ILDR1: variants seen among roughly 807,000 people sequenced by gnomAD.
The protein encoded by ILDR1 is immunoglobulin-like domain-containing receptor 1.
ILDR1 carries 56 observed loss-of-function variants against 62.4 expected under a neutral mutation model. The observed-to-expected ratio is 0.90, with a 90% CI of 0.72 to 1.12. ILDR1 has a LOEUF of 1.12. Ranked by LOEUF, ILDR1 falls within the 50% of genes most tolerant of loss-of-function variation. The probability of loss-of-function intolerance (pLI) is 0.00; values close to 1 mark genes in which losing one functional copy is unlikely to be tolerated. For synonymous variants in ILDR1, 284 were observed against 277.8 expected (o/e 1.02, Z -0.22); for missense variants, 736 against 710.6 (o/e 1.04, Z -0.41).
At position 122,007,599 on chromosome 3, in the gene ILDR1, C is replaced by T. The variant is rs2071634850; in HGVS notation, c.59-438G>A. ...CGAAACCCGTTAGGTCAGCCTACTG[C>T]CCTTCTCGTCTGCCCCGTGTCCCTT... On this transcript the variant is annotated intron_variant, in intron 1 of 7. Transcript: ENST00000344209. Among the ~76,000 whole-genome samples, 4 of 152,196 alleles carry T rather than the reference C, an allele frequency of 2.6e-5. No homozygotes were observed. The South Asian group carries it at 8.3e-4, about 31-fold the overall frequency.
At chr3:121,996,127 CTG>C (rs1302562749) in intron 5 of ILDR1, among the ~76,000 whole-genome samples, 1 of 152,224 alleles carries the variant, frequency 6.6e-6, no homozygotes, top group African/African-American at 2.4e-5. Context: ...ACCCTACCCA[CTG>C]TACCCCTTTA....
the ILDR1 span, among the ~76,000 whole-genome samples, chr3:122,057,299 G>C: frequency 6.6e-6 from 1 of 152,096 alleles, no homozygotes; most frequent in African/African-American, 2.4e-5. Context: ...TTTAGTGATG[G>C]ATATTTTTCT....
the ILDR1 span, among the ~76,000 whole-genome samples, chr3:122,038,670 C>A: frequency 6.6e-6 from 1 of 151,886 alleles, no homozygotes; most frequent in Non-Finnish European, 1.5e-5. Context: ...ACAGATATAA[C>A]AAAGATGTTG....
At chr3:122,041,825 C>G in the ILDR1 span, among the ~76,000 whole-genome samples, 1 of 150,330 alleles carries the variant, frequency 6.7e-6, no homozygotes, top group Middle Eastern at 3.5e-3. Flanking sequence ...ATCTTTAGAG[C>G]TTTCTATATA....
chr3:122,001,185 T>C, intron 5 of ILDR1, 123 bp downstream of exon 5: 1 of 1,139,686 alleles, frequency 8.8e-7, no homozygotes, highest in East Asian at 2.5e-5. Context: ...CCTCTGTCCC[T>C]ATGATGGGAG....
the ILDR1 span, among the ~76,000 whole-genome samples, chr3:122,050,628 T>A: frequency 1.7e-5 from 1 of 60,276 alleles, no homozygotes; most frequent in Non-Finnish European, 3.6e-5. Flanking sequence ...TTATAATTAC[T>A]TCTATGCTTT....
At chr3:121,996,475 G>A (rs2071437609) in intron 5 of ILDR1, among the ~76,000 whole-genome samples, 1 of 152,156 alleles carries the variant, frequency 6.6e-6, no homozygotes, top group Non-Finnish European at 1.5e-5. Context: ...TCTCTTGCGT[G>A]CCTTCCCCTG....
At chr3:122,005,886 C>T (rs1365506655) in intron 2 of ILDR1, among the ~76,000 whole-genome samples, 12 of 151,284 alleles carry the variant, frequency 7.9e-5, no homozygotes, top group Admixed American at 3.3e-4. Context: ...GCAACAAGAG[C>T]GAAACTCCAT....
At chr3:122,008,687 G>A (rs1368501257) in intron 1 of ILDR1, among the ~76,000 whole-genome samples, 2 of 148,914 alleles carry the variant, frequency 1.3e-5, no homozygotes, top group Non-Finnish European at 3.0e-5. Context: ...TCCACCTCTC[G>A]GGTTCATGGG....
the ILDR1 span, among the ~76,000 whole-genome samples, chr3:122,049,145 C>G: frequency 6.6e-6 from 1 of 152,046 alleles, no homozygotes; most frequent in Non-Finnish European, 1.5e-5. Context: ...CCCATTTGTT[C>G]AAGAGTATGT....
In ILDR1 at chr3:122,022,135, C is replaced by A; in HGVS notation, c.-58G>T. 6.9e-7 allele frequency: 1 copy of A among 1,445,234 alleles called. No homozygotes were observed. Among genetic ancestry groups the A allele is most frequent in the South Asian group, 1.2e-5 (1 of 82,234 alleles). The allele number at this position is 1,445,234 out of a possible 1,614,324, so 89.5% of individuals were successfully genotyped here. ...GGCTTCGGGGCACTGCGTCTTTCTT[C>A]CTCAGCTGCCGCCCCAGGACGCACC... On this transcript the variant is annotated 5_prime_UTR_variant, in exon 1 of 8. Coordinates refer to ENST00000344209, the MANE Select transcript of ILDR1 (RefSeq NM_001199799.2).
chr3:122,008,597 T>C (rs928186258), intron 1 of ILDR1, among the ~76,000 whole-genome samples: 3 of 27,982 alleles, frequency 1.1e-4, no homozygotes, highest in South Asian at 4.7e-3. Flanking sequence ...TCTTTTCTTT[T>C]TTTTTTTTTT....
At chr3:122,007,364 T>C in intron 1 of ILDR1, 1 of 1,125,980 alleles carries the variant, frequency 8.9e-7, no homozygotes, top group Non-Finnish European at 1.3e-6. Flanking sequence ...CAGAGGGACA[T>C]AGGAAGAAAG....
chr3:122,043,383 T>C, the ILDR1 span, among the ~76,000 whole-genome samples: 4 of 141,006 alleles, frequency 2.8e-5, no homozygotes, highest in East Asian at 6.3e-4. Flanking sequence ...GGCTTAGGAT[T>C]GACTTGGCGA....
chr3:122,040,602 G>C, the ILDR1 span, among the ~76,000 whole-genome samples: 1 of 151,492 alleles, frequency 6.6e-6, no homozygotes, highest in Admixed American at 6.6e-5. Context: ...GATCAATAGA[G>C]AGCCCAGAAA....
At chr3:122,036,241 C>A in the ILDR1 span, among the ~76,000 whole-genome samples, 28 of 152,116 alleles carry the variant, frequency 1.8e-4, no homozygotes, top group Admixed American at 1.5e-3. Context: ...TTTCTAAAAA[C>A]GTACATTCAT....
the ILDR1 span, among the ~76,000 whole-genome samples, chr3:122,054,734 G>T: frequency 6.6e-6 from 1 of 152,190 alleles, no homozygotes; most frequent in South Asian, 2.1e-4. Context: ...ATATCTTCTA[G>T]TATAGTTTCT....
intron 5 of ILDR1, among the ~76,000 whole-genome samples, chr3:121,998,363 C>T (rs1029455765): frequency 1.3e-5 from 2 of 152,196 alleles, no homozygotes; most frequent in African/African-American, 4.8e-5. Context: ...CTCCTCTAAC[C>T]AAAGAGCTTT....
intron 1 of ILDR1, among the ~76,000 whole-genome samples, chr3:122,019,617 G>A (rs2071828985): frequency 6.6e-6 from 1 of 152,160 alleles, no homozygotes; most frequent in African/African-American, 2.4e-5. Flanking sequence ...ACCTACTTCT[G>A]ACAAGTGATC....
Sources: gnomAD v4.1 joint callset for allele counts (sites outside exome capture counted in the v4.1 genomes callset) on GRCh38, gnomAD v4.1.1 for gene constraint, MANE v1.5 for transcripts, NCBI Gene and HGNC (gene_info 2026-07-23, HGNC 2026-07-21) for gene names.